Variants in HSD17B3 observed in about 807,000 individuals in gnomAD.
HSD17B3 encodes 17-beta-hydroxysteroid dehydrogenase type 3.
Under a neutral mutation model 41.1 loss-of-function variants are expected in HSD17B3, and 29 were observed. The observed-to-expected ratio is 0.71, with a 90% CI of 0.53 to 0.96. HSD17B3 has a LOEUF of 0.96. HSD17B3 is among the 40% of genes least tolerant of loss of function. The probability of loss-of-function intolerance (pLI) is 0.00; values close to 1 mark genes in which losing one functional copy is unlikely to be tolerated. For synonymous variants in HSD17B3, 126 were observed against 145.6 expected (o/e 0.87, Z 0.97); for missense variants, 323 against 374.6 (o/e 0.86, Z 1.14).
chr9:96,284,477 A>G (rs993989833), intron 2 of HSD17B3, among the ~76,000 whole-genome samples: 3 of 152,236 alleles, frequency 2.0e-5, no homozygotes, highest in African/African-American at 7.2e-5. Context: ...CATAAGTGCA[A>G]AAAGAATCTG....
At chr9:96,272,910 C>T (rs575786769) in intron 2 of HSD17B3, among the ~76,000 whole-genome samples, 11 of 152,146 alleles carry the variant, frequency 7.2e-5, no homozygotes, top group East Asian at 3.9e-4. Context: ...GATATAATGA[C>T]GTTGGTGAAT....
chr9:96,266,470 A>G (rs1344477205), intron 2 of HSD17B3, among the ~76,000 whole-genome samples: 1 of 151,804 alleles, frequency 6.6e-6, no homozygotes, highest in African/African-American at 2.4e-5. Context: ...GGGTCTTGCT[A>G]TGTTGCCCAG....
At chr9:96,243,022 C>T (rs561601680) in intron 9 of HSD17B3, among the ~76,000 whole-genome samples, 59 of 152,328 alleles carry the variant, frequency 3.9e-4, no homozygotes, top group East Asian at 7.7e-4. Context: ...GCAGGACCCA[C>T]TAGAACTTCC....
intron 5 of HSD17B3, chr9:96,250,064 T>G: frequency 7.1e-7 from 1 of 1,401,344 alleles, no homozygotes; most frequent in Non-Finnish European, 9.3e-7. Context: ...TGGAGGAATA[T>G]AAATACGGTT....
intron 1 of HSD17B3, among the ~76,000 whole-genome samples, chr9:96,299,631 T>A (rs529581159): frequency 6.6e-6 from 1 of 152,316 alleles, no homozygotes; most frequent in East Asian, 1.9e-4. Flanking sequence ...ACCATCATTA[T>A]CCTTAGTTTA....
chr9:96,264,033 T>C (rs1381006603), intron 2 of HSD17B3, among the ~76,000 whole-genome samples: 1 of 152,200 alleles, frequency 6.6e-6, no homozygotes, highest in Non-Finnish European at 1.5e-5. Context: ...GTAATTTATA[T>C]GTTAATTAGC....
chr9:96,299,196 C>G (rs780538079), intron 1 of HSD17B3, among the ~76,000 whole-genome samples: 39 of 152,276 alleles, frequency 2.6e-4, no homozygotes, highest in Non-Finnish European at 4.7e-4. Flanking sequence ...TTCGGTATAT[C>G]GTAAAACTTA....
intron 2 of HSD17B3, among the ~76,000 whole-genome samples, chr9:96,289,760 T>C (rs1279309194): frequency 2.6e-5 from 4 of 152,068 alleles, no homozygotes; most frequent in Non-Finnish European, 5.9e-5. Context: ...TTTGTCTGCT[T>C]GAACAGGACT....
At chr9:96,242,930 G>A (rs1321748289) in intron 9 of HSD17B3, among the ~76,000 whole-genome samples, 1 of 152,162 alleles carries the variant, frequency 6.6e-6, no homozygotes, top group Non-Finnish European at 1.5e-5. Flanking sequence ...GGCTGTGTAG[G>A]ACCATGCAAG....
chr9:96,274,206 T>C (rs934780142), intron 2 of HSD17B3, among the ~76,000 whole-genome samples: 1 of 152,096 alleles, frequency 6.6e-6, no homozygotes, highest in Non-Finnish European at 1.5e-5. Flanking sequence ...TGGGAGGCCA[T>C]GGTGGGTGGA....
intron 2 of HSD17B3, among the ~76,000 whole-genome samples, chr9:96,269,272 G>T (rs1455153412): frequency 6.6e-6 from 1 of 152,184 alleles, no homozygotes; most frequent in Non-Finnish European, 1.5e-5. Flanking sequence ...GACCACCATT[G>T]TATATGCAGT....
At chr9:96,271,227 C>T (rs1444356134) in intron 2 of HSD17B3, among the ~76,000 whole-genome samples, 1 of 152,062 alleles carries the variant, frequency 6.6e-6, no homozygotes, top group Non-Finnish European at 1.5e-5. Context: ...CAGAATCAAG[C>T]CCATCTGTGT....
chr9:96,289,786 A>G (rs1307682964), intron 2 of HSD17B3, among the ~76,000 whole-genome samples: 5 of 151,970 alleles, frequency 3.3e-5, no homozygotes, highest in African/African-American at 1.2e-4. Flanking sequence ...TTATTTCCAG[A>G]ATGTCCAGGC....
At chr9:96,269,818 C>G (rs1826172276) in intron 2 of HSD17B3, among the ~76,000 whole-genome samples, 1 of 150,532 alleles carries the variant, frequency 6.6e-6, no homozygotes, top group East Asian at 2.0e-4. Flanking sequence ...GCAGGAGAAT[C>G]ACCTGAACCC....
At chr9:96,258,785 T>A (rs1564035300) in intron 2 of HSD17B3, among the ~76,000 whole-genome samples, 1 of 152,222 alleles carries the variant, frequency 6.6e-6, no homozygotes, top group African/African-American at 2.4e-5. Flanking sequence ...TCTCATATAG[T>A]CTTCTAAACA....
intron 2 of HSD17B3, among the ~76,000 whole-genome samples, chr9:96,274,866 G>T (rs974358085): frequency 2.6e-5 from 4 of 152,152 alleles, no homozygotes; most frequent in South Asian, 2.1e-4. Context: ...CCCAAATCTT[G>T]AGAGGAAAAT....
intron 2 of HSD17B3, among the ~76,000 whole-genome samples, chr9:96,297,010 G>C (rs1438736439): frequency 6.6e-6 from 1 of 151,414 alleles, no homozygotes. Context: ...ATTCCAGCCT[G>C]GGCAACAGAG....
rs1360722814 is a variant in HSD17B3 at position 96,245,483 on chromosome 9, A to T, written c.525-57T>A. The T allele has an allele frequency of 2.4e-6, 3 of 1,257,002 alleles. No homozygotes were observed. The Admixed American group carries it at 5.1e-5, about 21-fold the overall frequency. The allele number at this position is 1,257,002 out of a possible 1,614,324, so 77.9% of individuals were successfully genotyped here. On this transcript the variant is annotated intron_variant, in intron 7 of 10. Transcript: ENST00000375263. ...TTTGTTGCCCTACCTGACCTTGAGT[A>T]CAAAGAAAACAAAGGGTCCCGTGTG...
At chr9:96,253,240 C>G (rs142051213) in intron 3 of HSD17B3, among the ~76,000 whole-genome samples, 1 of 152,274 alleles carries the variant, frequency 6.6e-6, no homozygotes, top group East Asian at 1.9e-4. Context: ...GGGCTCTACC[C>G]CAGACCTATT....
Sources: allele counts gnomAD v4.1 joint callset (sites outside exome capture counted in the v4.1 genomes callset), GRCh38; gene constraint gnomAD v4.1.1; transcripts MANE v1.5; gene names NCBI Gene and HGNC (gene_info 2026-07-23, HGNC 2026-07-21).